CCDC163: variants seen among roughly 807,000 people sequenced by gnomAD.
The protein encoded by CCDC163 is CCDC163 homolog.
Under a neutral mutation model 8.2 loss-of-function variants are expected in CCDC163, and 13 were observed. That is an observed-to-expected ratio of 1.59 (90% confidence interval 1.04 to 2.54). CCDC163 has a LOEUF of 2.54. Ranked by LOEUF, CCDC163 falls within the 30% of genes most tolerant of loss-of-function variation. The probability of loss-of-function intolerance (pLI) is 0.00; values close to 1 mark genes in which losing one functional copy is unlikely to be tolerated. For missense variants in CCDC163, 117 were observed against 78.6 expected (o/e 1.49, Z -1.85); for synonymous variants, 41 against 30.9 (o/e 1.33, Z -1.08).
At chr1:45,498,193 AAG>A (rs1424393357) in intron 2 of CCDC163, among the ~76,000 whole-genome samples, 19 of 152,006 alleles carry the variant, frequency 1.2e-4, no homozygotes, top group African/African-American at 4.6e-4. Flanking sequence ...TATGCTCATT[AAG>A]AGTCATCACC....
chr1:45,495,431 A>G (rs1654028517), intron 4 of CCDC163: 5 of 702,790 alleles, frequency 7.1e-6, no homozygotes, highest in Non-Finnish European at 1.3e-5. Context: ...GCTTCCATAA[A>G]AGTTCCCAGC....
rs751660926 is a variant in CCDC163 at position 45,495,154 on chromosome 1, C to T, written c.343G>A (p.Ala115Thr). ...QVGSWKIPRG[A>T]PFLTWSPASF... Reference sequence around the variant, plus strand: ...GCTGGGCTCCAGGTTAGAAAGGGTGCTCCTCTGGGGATCTAAGAGGAAAGA... The same window carrying T: ...GCTGGGCTCCAGGTTAGAAAGGGTGTTCCTCTGGGGATCTAAGAGGAAAGA... Residue 115 changes from alanine (A) to threonine (T), a missense_variant, in exon 5 of 5, where the codon GCA becomes ACA. Ala to Thr is a moderately conservative substitution (Grantham distance 58). Coordinates refer to ENST00000629482, the MANE Select transcript of CCDC163 (RefSeq NM_001102601.3). 1 of 780,816 alleles carries T rather than the reference C, an allele frequency of 1.3e-6. No homozygotes were observed. Among genetic ancestry groups the T allele is most frequent in the South Asian group, 1.3e-5 (1 of 74,614 alleles). 48.4% of individuals were successfully genotyped at this position (780,816 alleles called of 1,614,324 possible).
intron 4 of CCDC163, 199 bp downstream of exon 4, chr1:45,496,357 C>T (rs1654132280): frequency 1.5e-6 from 1 of 681,756 alleles, no homozygotes; most frequent in Non-Finnish European, 2.7e-6. Context: ...CTCATGTCGG[C>T]AAGGATAGTT....
In CCDC163 at chr1:45,496,590, GC is replaced by G. The variant is rs777773101; in HGVS notation, c.295del (p.Ala99LeufsTer20). On this transcript the variant is annotated frameshift_variant, in exon 4 of 5. Coordinates refer to ENST00000629482, the MANE Select transcript of CCDC163 (RefSeq NM_001102601.3). LOFTEE classifies it low-confidence loss of function (END_TRUNC). ...GCCAACCTGAGCCTGTCGTCCCTCA[GC>G]CAGCTGTTTCAGCAGCAGCTCCTGG... The part of the protein sequence containing the change: ...QHQELLLKQL[A>X]EGRQAQVGSW... The G allele has an allele frequency of 6.4e-6, 5 of 780,496 alleles. No individual in the cohort carries two copies. The highest frequency in any genetic ancestry group is 1.2e-5 in the Non-Finnish European group (5 of 417,914). 48.3% of individuals were successfully genotyped at this position (780,496 alleles called of 1,614,324 possible).
chr1:45,498,394 C>CAAAAAAAAAAAAAAAAAAAAAAA (rs779532347), intron 2 of CCDC163: 1 of 104,298 alleles, frequency 9.6e-6, no homozygotes, highest in Non-Finnish European at 2.1e-5. Context: ...AAAACAAACC[C>CAAAAAAAAAAAAAAAAAAAAAAA]AAAAAAAAAA....
rs531885562 is a variant in CCDC163, at chr1:45,498,298, T to C, written c.178-915A>G. 542 of 164,790 alleles carry C rather than the reference T, an allele frequency of 3.3e-3. 2 individuals are homozygous for C. Among genetic ancestry groups the C allele is most frequent in the Non-Finnish European group, 5.4e-3 (422 of 78,602 alleles). 10.2% of individuals were successfully genotyped at this position (164,790 alleles called of 1,614,324 possible). ...AACCAGAGACCTTTGTTCACTTGTT[T>C]ATCTGCTGACCTTCCCTCCACTATT... is the stretch of plus-strand genomic sequence containing the variant. On this transcript the variant is annotated intron_variant, in intron 2 of 4. Transcript: ENST00000629482.
intron 3 of CCDC163, 117 bp from the exon 4 acceptor site, chr1:45,496,740 G>A (rs1654183526): frequency 1.5e-6 from 1 of 654,578 alleles, no homozygotes; most frequent in Non-Finnish European, 2.8e-6. Context: ...TCAGCCATTG[G>A]GACGCTTCCA....
chr1:45,497,296 TACTC>T lies in CCDC163; in HGVS notation c.261_262+2del, dbSNP rs746182896. The T allele has an allele frequency of 2.6e-6, 2 of 778,340 alleles. No individual in the cohort carries two copies. Among genetic ancestry groups the T allele is most frequent in the East Asian group, 4.9e-5 (2 of 41,150 alleles). 48.2% of individuals were successfully genotyped at this position (778,340 alleles called of 1,614,324 possible). ...TATTCGCCCCCAACCACCTTTTACTTACTCAACTGGTACTGCAGCAACTTCAATT... is the reference window on the plus strand; with the variant it reads ...TATTCGCCCCCAACCACCTTTTACTTAACTGGTACTGCAGCAACTTCAATT... On this transcript the variant is annotated splice_donor_variant and coding_sequence_variant, in exon 3 of 5. Coordinates refer to ENST00000629482, the MANE Select transcript of CCDC163 (RefSeq NM_001102601.3). LOFTEE classifies it high-confidence loss of function.
At chr1:45,498,134 A>C (rs2149318221) in intron 2 of CCDC163, among the ~76,000 whole-genome samples, 1 of 151,878 alleles carries the variant, frequency 6.6e-6, no homozygotes, top group East Asian at 1.9e-4. Flanking sequence ...AGTTAAATGG[A>C]TTAAGGGCGG....
At position 45,497,272 on chromosome 1, in the gene CCDC163, A is replaced by G; in HGVS notation, c.262+27T>C. 2 of 771,502 alleles carry G rather than the reference A, an allele frequency of 2.6e-6. 1 individual carries two copies. Among genetic ancestry groups the G allele is most frequent in the South Asian group, 2.7e-5 (2 of 72,938 alleles). The allele number at this position is 771,502 out of a possible 1,614,324, so 47.8% of individuals were successfully genotyped here. ...CAGAAAAGGGGACAAGGAAACGCAT[A>G]TTCGCCCCCAACCACCTTTTACTTA... On this transcript the variant is annotated intron_variant, in intron 3 of 4. Transcript: ENST00000629482.
intron 2 of CCDC163, among the ~76,000 whole-genome samples, chr1:45,497,693 TCCGGGAGGGAGGTGGAGGGGG>T (rs1643364021): frequency 1.9e-5 from 1 of 52,658 alleles, no homozygotes; most frequent in African/African-American, 8.3e-5. Context: ...AGCCACCCCG[TCCGGGAGGGAGGTGGAGGGGG>T]TCAGCCCCCC....
At chr1:45,496,509 G>A (rs764067337) in intron 4 of CCDC163, 47 bp downstream of exon 4, 3 of 769,970 alleles carry the variant, frequency 3.9e-6, no homozygotes, top group Middle Eastern at 2.3e-4. Flanking sequence ...GAAAGGAAAG[G>A]TCCTCCATAG....
chr1:45,497,706 TG>T (rs1311340376), intron 2 of CCDC163, among the ~76,000 whole-genome samples: 6 of 14,182 alleles, frequency 4.2e-4, no homozygotes, highest in Middle Eastern at 0.018. Flanking sequence ...GGGAGGGAGG[TG>T]GAGGGGGTCA....
intron 4 of CCDC163, chr1:45,495,501 G>A (rs1342139333): frequency 1.4e-6 from 1 of 702,900 alleles, no homozygotes; most frequent in South Asian, 1.5e-5. Flanking sequence ...CATGGTGAAG[G>A]TAGTGGGCAG....
At position 45,494,907 on chromosome 1, in the gene CCDC163, G is replaced by T. The variant is rs1164425459; in HGVS notation, c.*152C>A. ...TGCAGTGAGCTGAGATGGGGGGCAA[G>T]GATGGGCAGGCAGTGAAAAGCCTCA... On this transcript the variant is annotated 3_prime_UTR_variant, in exon 5 of 5. Coordinates refer to ENST00000629482, the MANE Select transcript of CCDC163 (RefSeq NM_001102601.3). 1 of 623,180 alleles carries T rather than the reference G, an allele frequency of 1.6e-6. No individual in the cohort carries two copies. The highest frequency in any genetic ancestry group is 2.6e-5 in the Admixed American group (1 of 38,436). The allele number at this position is 623,180 out of a possible 1,614,324, so 38.6% of individuals were successfully genotyped here. A position where few individuals can be genotyped will look rare whatever the true frequency, so the allele number is the denominator to read the frequency against.
rs553802345 is a variant in CCDC163, at chr1:45,499,761, T to A, written c.-152A>T. The A allele has an allele frequency of 1.3e-5, 8 of 617,674 alleles. No individual in the cohort carries two copies. In the Admixed American group the frequency reaches 2.3e-4, roughly 18 times the overall value. 38.3% of individuals were successfully genotyped at this position (617,674 alleles called of 1,614,324 possible). On this transcript the variant is annotated 5_prime_UTR_variant, in exon 1 of 5. Coordinates refer to ENST00000629482, the MANE Select transcript of CCDC163 (RefSeq NM_001102601.3). ...GCAACACTGGGGTAGGTGGATGCACTATCAGACCAAAACTGCGATCCTGTG... is the reference window on the plus strand; with the variant it reads ...GCAACACTGGGGTAGGTGGATGCACAATCAGACCAAAACTGCGATCCTGTG...
intron 4 of CCDC163, chr1:45,495,474 C>T (rs1308754741): frequency 1.0e-5 from 7 of 702,642 alleles, no homozygotes; most frequent in Middle Eastern, 2.3e-4. Context: ...GAATTAAGAG[C>T]TGGATGAAGA....
chr1:45,497,595 C>T (rs1483598941), intron 2 of CCDC163, among the ~76,000 whole-genome samples: 8 of 118,574 alleles, frequency 6.7e-5, no homozygotes, highest in East Asian at 2.5e-4. Context: ...ACCTCCCAGC[C>T]GCCTGCCTTG....
At position 45,499,878 on chromosome 1, in the gene CCDC163, G is replaced by A; in HGVS notation, c.-269C>T. On this transcript the variant is annotated 5_prime_UTR_variant, in exon 1 of 5. Transcript: ENST00000629482. ...TATCAGGTGGGGATTGAAGGTGCCA[G>A]AACCTGGTTGAGACCTCCCCAGAAG... 1.9e-6 allele frequency: 1 copy of A among 523,354 alleles called. No homozygotes were observed. Among genetic ancestry groups the A allele is most frequent in the South Asian group, 2.0e-5 (1 of 48,892 alleles). The allele number at this position is 523,354 out of a possible 1,614,324, so 32.4% of individuals were successfully genotyped here. A position where few individuals can be genotyped will look rare whatever the true frequency, so the allele number is the denominator to read the frequency against.
Sources: allele counts gnomAD v4.1 joint callset (sites outside exome capture counted in the v4.1 genomes callset), GRCh38; gene constraint gnomAD v4.1.1; transcripts MANE v1.5; gene names NCBI Gene and HGNC (gene_info 2026-07-23, HGNC 2026-07-21).